The following MXI1 variants were observed in gnomAD, a reference collection of about 807,000 sequenced individuals.
MXI1 encodes the protein MAX interactor 1, dimerization protein.
Under a neutral mutation model 36.9 loss-of-function variants are expected in MXI1, and 18 were observed. The ratio of observed to expected loss-of-function variants is 0.49; its 90% confidence interval spans 0.34 to 0.72. MXI1 has a LOEUF of 0.72. Among genes scored for constraint, MXI1 ranks in the 30% least tolerant of loss-of-function variants. The probability of loss-of-function intolerance (pLI) is 0.01; values close to 1 mark genes in which losing one functional copy is unlikely to be tolerated. For missense variants in MXI1, 304 were observed against 379.1 expected, an observed-to-expected ratio of 0.80 and a Z score of 1.64; for synonymous variants, 160 against 146.7, an observed-to-expected ratio of 1.09 and a Z score of -0.65.
intron 2 of MXI1, among the ~76,000 whole-genome samples, chr10:110,242,251 T>C (rs904104586): frequency 2.0e-4 from 31 of 152,054 alleles, no homozygotes; most frequent in African/African-American, 7.5e-4. Flanking sequence ...CACAATACTT[T>C]GTACCTTTCT....
At chr10:110,265,955 T>C (rs1422745942) in intron 3 of MXI1, among the ~76,000 whole-genome samples, 1 of 152,206 alleles carries the variant, frequency 6.6e-6, no homozygotes, top group East Asian at 1.9e-4. Context: ...TCACTTACTC[T>C]GGGGTGAAAG....
intron 3 of MXI1, among the ~76,000 whole-genome samples, chr10:110,262,290 G>GT (rs1184106532): frequency 6.6e-6 from 1 of 152,004 alleles, no homozygotes; most frequent in Non-Finnish European, 1.5e-5. Flanking sequence ...AAGTAATCTA[G>GT]AGATGATTTA....
rs149224630 is a variant in MXI1, at chr10:110,284,905, T to C, written c.806T>C (p.Ile269Thr). The change falls in exon 6 of 6, where the codon ATT becomes ACT. Residue 269 changes from isoleucine (I) to threonine (T), a missense_variant. Transcript: ENST00000332674. ...DNISTTSISD[I>T]DDHSSLPSIG... ...ATAAGTACCACCAGCATCAGTGACA[T>C]TGATGACCACAGCAGCCTGCCGAGT... 1.5e-3 allele frequency: 2,354 copies of C among 1,613,812 alleles called. 2 individuals are homozygous for C. The highest frequency in any genetic ancestry group is 1.8e-3 in the Non-Finnish European group (2,152 of 1,179,820).
chr10:110,220,296 T>C (rs1053164386), intron 1 of MXI1, among the ~76,000 whole-genome samples: 1 of 152,242 alleles, frequency 6.6e-6, no homozygotes. Flanking sequence ...CCTAGTTATG[T>C]GGCAGCTAGT....
intron 1 of MXI1, among the ~76,000 whole-genome samples, chr10:110,222,018 C>T (rs1313235052): frequency 6.6e-6 from 1 of 152,128 alleles, no homozygotes; most frequent in Admixed American, 6.5e-5. Context: ...TCTGAGCTGC[C>T]GCTGACTTGA....
intron 2 of MXI1, among the ~76,000 whole-genome samples, chr10:110,234,333 T>G (rs1338063396): frequency 6.6e-6 from 1 of 152,174 alleles, no homozygotes. Flanking sequence ...CAGAGTGTAT[T>G]TCCAGGTCCC....
chr10:110,214,686 T>G (rs1854586692), intron 1 of MXI1, among the ~76,000 whole-genome samples: 1 of 151,692 alleles, frequency 6.6e-6, no homozygotes, highest in Non-Finnish European at 1.5e-5. Flanking sequence ...AAATATTGAT[T>G]TAAACTGGGT....
At position 110,285,099 on chromosome 10, in the gene MXI1, CA is replaced by C; in HGVS notation, c.*116del. On this transcript the variant is annotated 3_prime_UTR_variant, in exon 6 of 6. Transcript: ENST00000332674. ...GTCTCCTCTTTAAAACAAAACAAAA[CA>C]AAACAAAACTATACTTGAACAAAAG... The C allele has an allele frequency of 9.5e-7, 1 of 1,047,666 alleles. No homozygotes were observed. The highest frequency in any genetic ancestry group is 1.3e-6 in the Non-Finnish European group (1 of 764,314). 64.9% of individuals were successfully genotyped at this position (1,047,666 alleles called of 1,614,324 possible).
intron 3 of MXI1, among the ~76,000 whole-genome samples, chr10:110,267,424 CT>C (rs1342179085): frequency 2.0e-5 from 3 of 152,114 alleles, no homozygotes; most frequent in Non-Finnish European, 4.4e-5. Context: ...AAAGTGAACT[CT>C]TTGGCATTTG....
intron 2 of MXI1, among the ~76,000 whole-genome samples, chr10:110,230,683 A>G (rs1223227852): frequency 3.9e-5 from 6 of 152,208 alleles, no homozygotes; most frequent in South Asian, 2.1e-4. Context: ...AGAAATTCCA[A>G]TACTGGGGTA....
At chr10:110,227,355 G>A in intron 1 of MXI1, 1 of 986,080 alleles carries the variant, frequency 1.0e-6, no homozygotes, top group Non-Finnish European at 1.2e-6. Context: ...TGCTGAGATC[G>A]TGAGTGGAGG....
In MXI1 at chr10:110,228,190, G is replaced by A. The variant is rs1855131510; in HGVS notation, c.276G>A (p.Lys92=). The change falls in exon 2 of 6, where the codon AAG becomes AAA. Residue 92 remains lysine (K), a splice_region_variant and synonymous_variant. Coordinates refer to ENST00000332674, the MANE Select transcript of MXI1 (RefSeq NM_130439.3). ...YLEQIEKENK[K]CEHGYASSFP... ...ATCTTTTTTTCTTGCTTTCTTCAGA[G>A]TGTGAACATGGCTACGCCTCTTCAT... The A allele has an allele frequency of 1.9e-6, 3 of 1,613,916 alleles. No individual in the cohort carries two copies. Among genetic ancestry groups the A allele is most frequent in the Non-Finnish European group, 2.5e-6 (3 of 1,179,988 alleles).
chr10:110,241,265 G>T (rs1481719073), intron 2 of MXI1, among the ~76,000 whole-genome samples: 1 of 151,948 alleles, frequency 6.6e-6, no homozygotes, highest in Non-Finnish European at 1.5e-5. Context: ...CAGGGTAAGG[G>T]TGTTTGAAAG....
Position 110,285,982 on chromosome 10 carries a change from C to T in MXI1, c.*995C>T, listed in dbSNP as rs949044057. On this transcript the variant is annotated 3_prime_UTR_variant, in exon 6 of 6. Transcript: ENST00000332674. ...AGATGTCTTTTATAGTGGAAAAACA[C>T]ATGGGGAAAAAAATCATCTATTTTG... 6.6e-6 allele frequency: 1 copy of T among 152,504 alleles called. No individual in the cohort carries two copies. Among genetic ancestry groups the T allele is most frequent in the Non-Finnish European group, 1.5e-5 (1 of 68,010 alleles). The allele number at this position is 152,504 out of a possible 1,614,324, so 9.4% of individuals were successfully genotyped here.
At chr10:110,215,031 GTTTTTTTTTTTGTT>G (rs1397262373) in intron 1 of MXI1, among the ~76,000 whole-genome samples, 3 of 98,144 alleles carry the variant, frequency 3.1e-5, no homozygotes, top group East Asian at 6.8e-4. Context: ...CTCCACTTCA[GTTTTTTTTTTTGTT>G]TTTTTTTTTT....
At chr10:110,232,788 A>C (rs1256557611) in intron 2 of MXI1, among the ~76,000 whole-genome samples, 4 of 152,198 alleles carry the variant, frequency 2.6e-5, no homozygotes, top group Non-Finnish European at 2.9e-5. Context: ...AACTCTGATT[A>C]CTTTGTGTTC....
intron 3 of MXI1, among the ~76,000 whole-genome samples, chr10:110,264,244 G>A (rs1226401969): frequency 6.6e-6 from 1 of 152,096 alleles, no homozygotes; most frequent in Non-Finnish European, 1.5e-5. Context: ...ATTTTAGTGA[G>A]TTTCAAATAT....
chr10:110,230,172 T>C (rs918325041), intron 2 of MXI1, among the ~76,000 whole-genome samples: 1 of 152,208 alleles, frequency 6.6e-6, no homozygotes, highest in African/African-American at 2.4e-5. Context: ...GAGGCATAAA[T>C]AAGATGCACA....
intron 3 of MXI1, among the ~76,000 whole-genome samples, chr10:110,277,962 A>C (rs1444808570): frequency 1.3e-5 from 2 of 152,184 alleles, no homozygotes; most frequent in Admixed American, 6.5e-5. Flanking sequence ...TTGGTGTGTG[A>C]ATTAGCAAAA....
Sources: allele counts gnomAD v4.1 joint callset (sites outside exome capture counted in the v4.1 genomes callset), GRCh38; gene constraint gnomAD v4.1.1; transcripts MANE v1.5; gene names NCBI Gene and HGNC (gene_info 2026-07-23, HGNC 2026-07-21).